MSH5: variants seen among roughly 807,000 people sequenced by gnomAD.
MSH5 encodes the protein mutS protein homolog 5.
In MSH5, 78 loss-of-function variants were observed where a neutral mutation model predicts 107.7. The observed-to-expected ratio is 0.72, with a 90% CI of 0.60 to 0.87. MSH5 has a LOEUF of 0.87. MSH5 is among the 40% of genes least tolerant of loss of function. The pLI is 0.00. For synonymous variants in MSH5, 326 were observed against 399.5 expected, an observed-to-expected ratio of 0.82 and a Z score of 2.19; for missense variants, 889 against 1,046.6, an observed-to-expected ratio of 0.85 and a Z score of 2.08.
chr6:31,749,128 C>A lies in MSH5; in HGVS notation c.812+1696C>A, dbSNP rs1181531940. Among the ~76,000 whole-genome samples, 4 of 152,052 alleles carry A rather than the reference C, an allele frequency of 2.6e-5. No individual in the cohort carries two copies. In the East Asian group the frequency reaches 5.9e-4, roughly 22 times the overall value. On this transcript the variant is annotated intron_variant, in intron 10 of 24. Transcript: ENST00000375750. ...ATGGGATTTCACCATGTTGGCCACG[C>A]TGGTCTTGAACTGCTGACCTCGTGA...
chr6:31,753,567 C>T lies in MSH5; in HGVS notation c.952C>T (p.Leu318=). 1 of 1,614,080 alleles carries T rather than the reference C, an allele frequency of 6.2e-7. No individual in the cohort carries two copies. The change falls in exon 12 of 25, where the codon CTG becomes TTG. Residue 318 remains leucine (L), a splice_region_variant and synonymous_variant. Coordinates refer to ENST00000375750, the MANE Select transcript of MSH5 (RefSeq NM_172166.4). ...CGGCTGTAACCTTGTCTGACTGTAG[C>T]TGATTCTGAAACGCATGAAGTTGTC... The part of the protein sequence containing the change: ...RLLGHIKNVP[L]ILKRMKLSHT...
At position 31,741,211 on chromosome 6, in the gene MSH5, TATG is replaced by T; in HGVS notation, c.199_201del (p.Asp67del). 1 of 1,613,018 alleles carries T rather than the reference TATG, an allele frequency of 6.2e-7. No homozygotes were observed. On this transcript the variant is annotated inframe_deletion, in exon 3 of 25. Transcript: ENST00000375750. ...TTCAGGATACTTGGGCATTGCCTAC[TATG>T]ATACTAGTGACTCCACTATCCACTT...
intron 3 of MSH5, among the ~76,000 whole-genome samples, chr6:31,742,343 C>T (rs28381351): frequency 0.012 from 1,848 of 152,228 alleles, 36 homozygotes; most frequent in South Asian, 0.074. Flanking sequence ...CTGCAACCTC[C>T]GTCTCCCGGA....
In MSH5 at chr6:31,743,089, T is replaced by C. The variant is rs1809060069; in HGVS notation, c.353-19T>C. The C allele has an allele frequency of 6.2e-7, 1 of 1,612,880 alleles. No individual in the cohort carries two copies. Among genetic ancestry groups the C allele is most frequent in the Non-Finnish European group, 8.5e-7 (1 of 1,179,908 alleles). The stretch of plus-strand genomic sequence containing the variant: ...ACTGAGATGTAAAGAATGATAGCCT[T>C]TTCTTTCCTCCCCCACAGCCTCCCA... On this transcript the variant is annotated intron_variant, in intron 4 of 24. Transcript: ENST00000375750.
chr6:31,750,314 A>G (rs1017413785), intron 10 of MSH5, among the ~76,000 whole-genome samples: 4 of 152,302 alleles, frequency 2.6e-5, no homozygotes, highest in African/African-American at 9.6e-5. Context: ...CACGCCTATA[A>G]TCCCAGCATT....
In MSH5 at chr6:31,741,160, C is replaced by A. The variant is rs773131718; in HGVS notation, c.148-3C>A. ...GTGATTTCCTTTCTTCCTTGCTGGA[C>A]AGATCCATCTGTGTGTGCTGTGGAA... On this transcript the variant is annotated splice_polypyrimidine_tract_variant and splice_region_variant and intron_variant, in intron 2 of 24. Transcript: ENST00000375750. The A allele has an allele frequency of 1.9e-6, 3 of 1,612,882 alleles. No homozygotes were observed. In the African/African-American group the frequency reaches 4.0e-5, roughly 22 times the overall value.
chr6:31,743,119 C>A lies in MSH5; in HGVS notation c.364C>A (p.His122Asn). 2 of 1,613,018 alleles carry A rather than the reference C, an allele frequency of 1.2e-6. No individual in the cohort carries two copies. The highest frequency in any genetic ancestry group is 1.7e-6 in the Non-Finnish European group (2 of 1,180,014). The change falls in exon 5 of 25, where the codon CAC (histidine) becomes AAC (asparagine). Residue 122 changes from histidine (H) to asparagine (N), a missense_variant. Around this residue, in one of 3 missense-constraint regions of MSH5, gnomAD observed 518 missense variants for 565.0 expected, o/e 0.92. Transcript: ENST00000375750. ...TTCCTCCCCCACAGCCTCCCAGGAG[C>A]ACAGAGAGCCTAAAAGACCTGAAAT... ...RFLGKLASQE[H>N]REPKRPEIIF...
intron 11 of MSH5, 59 bp downstream of exon 11, chr6:31,753,498 A>C: frequency 6.2e-7 from 1 of 1,610,444 alleles, no homozygotes; most frequent in Non-Finnish European, 8.5e-7. Flanking sequence ...GATACTGGGC[A>C]GTGGGCTTCT....
chr6:31,756,958 T>G (rs28745899), intron 12 of MSH5: 2 of 151,594 alleles, frequency 1.3e-5, no homozygotes, highest in Admixed American at 6.6e-5. Context: ...TTCCCCAATA[T>G]GGAACGCTTC....
At chr6:31,755,137 G>C (rs1395704925) in intron 12 of MSH5, among the ~76,000 whole-genome samples, 1 of 151,730 alleles carries the variant, frequency 6.6e-6, no homozygotes, top group Non-Finnish European at 1.5e-5. Flanking sequence ...TGTATTATTT[G>C]GTATCATCAA....
intron 5 of MSH5, 129 bp from the exon 6 acceptor site, chr6:31,743,775 T>C: frequency 7.3e-7 from 1 of 1,367,960 alleles, no homozygotes; most frequent in Non-Finnish European, 9.9e-7. Context: ...TTGCTCTAGC[T>C]TTCCATTAAC....
At chr6:31,754,753 C>CTTTTTT (rs71552080) in intron 12 of MSH5, among the ~76,000 whole-genome samples, 1 of 135,366 alleles carries the variant, frequency 7.4e-6, no homozygotes, top group Non-Finnish European at 1.6e-5. Flanking sequence ...TTTCTTTTTT[C>CTTTTTT]TTTTTTTTTT....
intron 8 of MSH5, 73 bp downstream of exon 8, chr6:31,744,654 T>C: frequency 6.6e-7 from 1 of 1,522,550 alleles, no homozygotes; most frequent in Non-Finnish European, 9.1e-7. Flanking sequence ...ATAATCCTAA[T>C]GAGGCTCTAG....
Position 31,760,338 on chromosome 6 carries a change from G to A in MSH5, c.1812+122G>A. 2.3e-6 allele frequency: 3 copies of A among 1,311,372 alleles called. No homozygotes were observed. The South Asian group carries it at 4.3e-5, about 19-fold the overall frequency. The allele number at this position is 1,311,372 out of a possible 1,614,324, so 81.2% of individuals were successfully genotyped here. A position where few individuals can be genotyped will look rare whatever the true frequency, so the allele number is the denominator to read the frequency against. Reference sequence around the variant, plus strand: ...TTTTCTGACCCCGCTCTTCATGAAAGGACCATCACCCACATCCCTGTGCTT... The same window carrying A: ...TTTTCTGACCCCGCTCTTCATGAAAAGACCATCACCCACATCCCTGTGCTT... On this transcript the variant is annotated intron_variant, in intron 19 of 24. Transcript: ENST00000375750. The surrounding 1 kb of genome is among the most constrained non-coding windows in gnomAD (Gnocchi z 5.6).
At position 31,742,868 on chromosome 6, in the gene MSH5, C is replaced by T. The variant is rs1809036563; in HGVS notation, c.272-9C>T. 3 of 1,612,216 alleles carry T rather than the reference C, an allele frequency of 1.9e-6. No individual in the cohort carries two copies. The highest frequency in any genetic ancestry group is 2.5e-6 in the Non-Finnish European group (3 of 1,179,334). Reference sequence around the variant, plus strand: ...CTTTAACTCATTTGATCTCTGTTCTCCTTCCAAGTTCTGGATGAGATCAAT... The same window carrying T: ...CTTTAACTCATTTGATCTCTGTTCTTCTTCCAAGTTCTGGATGAGATCAAT... On this transcript the variant is annotated splice_polypyrimidine_tract_variant and intron_variant, in intron 3 of 24. Coordinates refer to ENST00000375750, the MANE Select transcript of MSH5 (RefSeq NM_172166.4).
intron 9 of MSH5, 112 bp from the exon 10 acceptor site, chr6:31,747,275 T>G: frequency 8.6e-7 from 1 of 1,162,252 alleles, no homozygotes; most frequent in Non-Finnish European, 1.3e-6. Flanking sequence ...CCAGGCCAGC[T>G]TCCTCAACAA....
In MSH5 at chr6:31,745,296, T is replaced by G. The variant is rs759951855; in HGVS notation, c.743T>G (p.Leu248Arg). The change falls in exon 9 of 25, where the codon CTG (leucine) becomes CGG (arginine). Residue 248 changes from leucine to arginine, a missense_variant. Leu to Arg is a moderately radical substitution (Grantham distance 102). Around this residue, in one of 3 missense-constraint regions of MSH5, gnomAD observed 518 missense variants for 565.0 expected, o/e 0.92. Coordinates refer to ENST00000375750, the MANE Select transcript of MSH5 (RefSeq NM_172166.4). The stretch of plus-strand genomic sequence containing the variant: ...TCAGTGTACAAAGTGGCCAGTGGAC[T>G]GAAGGAGGGGCTCAGCCTCTTTGGT... Reference protein sequence around the residue: ...HPSVYKVASGLKEGLSLFGIL... With the variant: ...HPSVYKVASGRKEGLSLFGIL... The G allele has an allele frequency of 3.7e-6, 6 of 1,613,126 alleles. No homozygotes were observed. Among genetic ancestry groups the G allele is most frequent in the Non-Finnish European group, 4.2e-6 (5 of 1,179,238 alleles).
chr6:31,747,505 A>G (rs1276141824), intron 10 of MSH5, 73 bp downstream of exon 10: 6 of 1,504,818 alleles, frequency 4.0e-6, no homozygotes, highest in Non-Finnish European at 9.2e-7. Context: ...AAGCCTACTA[A>G]TGGCAGTATA....
chr6:31,742,974 G>C lies in MSH5; in HGVS notation c.352+17G>C, dbSNP rs1248715717. On this transcript the variant is annotated intron_variant, in intron 4 of 24. Transcript: ENST00000375750. ...GAAAGCTTGGTAAGGACTTGGTAAAGGATAGAGGGAAAATGGGGAAGGACT... is the reference window on the plus strand; with the variant it reads ...GAAAGCTTGGTAAGGACTTGGTAAACGATAGAGGGAAAATGGGGAAGGACT... 1 of 1,612,800 alleles carries C rather than the reference G, an allele frequency of 6.2e-7. No homozygotes were observed. Among genetic ancestry groups the C allele is most frequent in the South Asian group, 1.1e-5 (1 of 91,076 alleles).
Sources: allele counts gnomAD v4.1 joint callset (sites outside exome capture counted in the v4.1 genomes callset), GRCh38; gene constraint gnomAD v4.1.1; regional missense constraint gnomAD v4.1.1; non-coding constraint Gnocchi (gnomAD v3.1); transcripts MANE v1.5; gene names NCBI Gene and HGNC (gene_info 2026-07-23, HGNC 2026-07-21).